The following ADD3 variants were observed in gnomAD, a reference collection of about 807,000 sequenced individuals.
ADD3 encodes the protein gamma-adducin.
A neutral mutation model predicts 80.2 loss-of-function variants in ADD3; 25 were observed. The ratio of observed to expected loss-of-function variants is 0.31; its 90% CI spans 0.23 to 0.44. The LOEUF is 0.44. ADD3 is among the 20% of genes least tolerant of loss of function. The pLI is 1.00. For synonymous variants in ADD3, 284 were observed against 289.6 expected, an observed-to-expected ratio of 0.98 and a Z score of 0.20; for missense variants, 829 against 847.5, an observed-to-expected ratio of 0.98 and a Z score of 0.27.
intron 1 of ADD3, among the ~76,000 whole-genome samples, chr10:110,012,854 C>G (rs1032369293): frequency 4.0e-5 from 6 of 151,880 alleles, no homozygotes; most frequent in Non-Finnish European, 8.8e-5. Flanking sequence ...CCACCTCAGC[C>G]TCCCAGGTAG....
At chr10:110,090,810 C>T (rs577704988) in intron 1 of ADD3, among the ~76,000 whole-genome samples, 84 of 152,244 alleles carry the variant, frequency 5.5e-4, no homozygotes, top group Admixed American at 8.5e-4. Flanking sequence ...CAGTGGGTTG[C>T]TGTTACTATT....
chr10:110,098,649 A>G (rs1261262169), intron 1 of ADD3, among the ~76,000 whole-genome samples: 1 of 149,344 alleles, frequency 6.7e-6, no homozygotes, highest in Non-Finnish European at 1.5e-5. Context: ...TTTTTTTTTG[A>G]GATGGAGTCT....
At chr10:110,000,881 G>A (rs1851471529), upstream of ADD3, among the ~76,000 whole-genome samples, 1 of 152,150 alleles carries the variant, frequency 6.6e-6, no homozygotes, top group Non-Finnish European at 1.5e-5. Context: ...AAGACATTCA[G>A]TACTGGTATG....
intron 1 of ADD3, among the ~76,000 whole-genome samples, chr10:110,049,283 T>G (rs546277917): frequency 6.6e-6 from 1 of 152,254 alleles, no homozygotes; most frequent in African/African-American, 2.4e-5. Flanking sequence ...GAACCTCTGC[T>G]AGAGCAGTGC....
intron 1 of ADD3, among the ~76,000 whole-genome samples, chr10:110,021,629 T>A (rs570628988): frequency 6.6e-6 from 1 of 152,298 alleles, no homozygotes; most frequent in Non-Finnish European, 1.5e-5. Flanking sequence ...TATTATATGG[T>A]TCCACTTACA....
At chr10:110,004,805 G>GA (rs1393929891), upstream of ADD3, among the ~76,000 whole-genome samples, 3 of 151,848 alleles carry the variant, frequency 2.0e-5, no homozygotes, top group Admixed American at 6.6e-5. Context: ...TACTTATAGA[G>GA]AAAAAAACAT....
chr10:110,005,420 A>G (rs984093166), upstream of ADD3, among the ~76,000 whole-genome samples: 5 of 152,188 alleles, frequency 3.3e-5, no homozygotes, highest in Non-Finnish European at 5.9e-5. Context: ...TATATTTTCT[A>G]ATACTGGTAT....
intron 1 of ADD3, among the ~76,000 whole-genome samples, chr10:110,048,803 G>A (rs1857174997): frequency 6.6e-6 from 1 of 152,214 alleles, no homozygotes; most frequent in Non-Finnish European, 1.5e-5. Context: ...GCAGCCTGAT[G>A]ATGTGATAGA....
chr10:110,034,235 G>A (rs759946557), intron 1 of ADD3, among the ~76,000 whole-genome samples: 17 of 151,778 alleles, frequency 1.1e-4, no homozygotes, highest in African/African-American at 1.9e-4. Flanking sequence ...TCAGCCTAGG[G>A]GATATAATGC....
Position 110,008,000 on chromosome 10 carries a change from G to A in ADD3, c.-329G>A, listed in dbSNP as rs979024586. 1.3e-5 allele frequency: 2 copies of A among 152,292 alleles called. No homozygotes were observed. The highest frequency in any genetic ancestry group is 2.9e-5 in the Non-Finnish European group (2 of 68,126). 9.4% of individuals were successfully genotyped at this position (152,292 alleles called of 1,614,324 possible). A position where few individuals can be genotyped will look rare whatever the true frequency, so the allele number is the denominator to read the frequency against. On this transcript the variant is annotated 5_prime_UTR_variant, in exon 1 of 15. Coordinates refer to ENST00000356080, the MANE Select transcript of ADD3 (RefSeq NM_016824.5). Reference sequence around the variant, plus strand: ...AGTCCCGCCAGAGCGCGAGCCGCCAGCCCGTAACGGTCGCCAGTGTGAGGG... The same window carrying A: ...AGTCCCGCCAGAGCGCGAGCCGCCAACCCGTAACGGTCGCCAGTGTGAGGG...
At chr10:110,118,066 ACACACAC>A (rs1280761038) in intron 5 of ADD3, among the ~76,000 whole-genome samples, 2 of 137,186 alleles carry the variant, frequency 1.5e-5, no homozygotes, top group South Asian at 2.6e-4. Flanking sequence ...ACACACACAC[ACACACAC>A]AATGTTCATA....
intron 1 of ADD3, among the ~76,000 whole-genome samples, chr10:110,037,858 G>A (rs1187914509): frequency 6.6e-6 from 1 of 151,720 alleles, no homozygotes; most frequent in Non-Finnish European, 1.5e-5. Context: ...CCTGAGGTTG[G>A]GAGTTTGAAA....
chr10:110,073,133 GTTTTCTTTTTT>G (rs1414539733), intron 1 of ADD3, among the ~76,000 whole-genome samples: 3 of 106,490 alleles, frequency 2.8e-5, no homozygotes, highest in Admixed American at 1.8e-4. Context: ...TTGAGTTTTA[GTTTTCTTTTTT>G]TTTTTTTTTT....
At chr10:110,041,941 AT>A (rs1333779895) in intron 1 of ADD3, among the ~76,000 whole-genome samples, 2 of 152,156 alleles carry the variant, frequency 1.3e-5, no homozygotes, top group Admixed American at 6.5e-5. Context: ...TATGTGGATA[AT>A]TTTTTTATAT....
chr10:110,019,262 CT>C (rs1461169044), intron 1 of ADD3, among the ~76,000 whole-genome samples: 1 of 151,844 alleles, frequency 6.6e-6, no homozygotes, highest in Admixed American at 6.6e-5. Flanking sequence ...TGTCTCAGTT[CT>C]CTCACTCAGA....
At chr10:110,027,280 C>T (rs188693633) in intron 1 of ADD3, among the ~76,000 whole-genome samples, 22 of 152,108 alleles carry the variant, frequency 1.4e-4, no homozygotes, top group African/African-American at 5.1e-4. Context: ...AGGATTAGGC[C>T]TTCTGTTCAG....
chr10:110,042,089 G>A (rs1284024954), intron 1 of ADD3, among the ~76,000 whole-genome samples: 1 of 152,134 alleles, frequency 6.6e-6, no homozygotes, highest in African/African-American at 2.4e-5. Flanking sequence ...AAAAGGAGAA[G>A]CATATTTCTT....
intron 1 of ADD3, among the ~76,000 whole-genome samples, chr10:110,095,352 A>C (rs1217125358): frequency 6.6e-6 from 1 of 152,228 alleles, no homozygotes; most frequent in Non-Finnish European, 1.5e-5. Context: ...TCCAAAAATA[A>C]ATCTCATTGG....
chr10:110,124,301 CT>C (rs757779608), intron 10 of ADD3, 27 bp downstream of exon 10: 1 of 1,601,944 alleles, frequency 6.2e-7, no homozygotes, highest in Non-Finnish European at 8.5e-7. Context: ...TGTAGTTTGC[CT>C]TTACTAAATA....
Sources: allele counts gnomAD v4.1 joint callset (sites outside exome capture counted in the v4.1 genomes callset), GRCh38; gene constraint gnomAD v4.1.1; transcripts MANE v1.5; gene names NCBI Gene and HGNC (gene_info 2026-07-23, HGNC 2026-07-21).